The following RYR2 variants were observed in gnomAD, a reference collection of about 807,000 sequenced individuals.
RYR2 encodes ryanodine receptor 2, also known as cardiac muscle ryanodine receptor-calcium release channel.
Under a neutral mutation model 601.1 loss-of-function variants are expected in RYR2, and 227 were observed. The ratio of observed to expected loss-of-function variants is 0.38; its 90% confidence interval spans 0.34 to 0.42. The LOEUF is 0.42. Ranked by LOEUF, RYR2 falls within the 10% of genes least tolerant of loss-of-function variation. The pLI, the probability that RYR2 is intolerant of heterozygous loss-of-function variation, is 1.00. For synonymous variants in RYR2, 2,223 were observed against 2,175.1 expected (o/e 1.02, Z -0.61); for missense variants, 4,646 against 6,156.5 (o/e 0.75, Z 8.21).
intron 27 of RYR2, among the ~76,000 whole-genome samples, chr1:237,552,554 G>A (rs1415599059): frequency 6.6e-6 from 1 of 151,934 alleles, no homozygotes; most frequent in Non-Finnish European, 1.5e-5. Context: ...TAACCACTTT[G>A]TAAGTTCTAT....
At chr1:237,566,993 A>G (rs1292774650) in intron 28 of RYR2, among the ~76,000 whole-genome samples, 1 of 152,224 alleles carries the variant, frequency 6.6e-6, no homozygotes, top group Non-Finnish European at 1.5e-5. Context: ...TTCCATGGTT[A>G]TCAAAAAGAT....
At chr1:237,728,822 T>C (rs1215885195) in intron 76 of RYR2, among the ~76,000 whole-genome samples, 1 of 151,740 alleles carries the variant, frequency 6.6e-6, no homozygotes, top group Non-Finnish European at 1.5e-5. Flanking sequence ...TTAAGACAAA[T>C]ACCTAATGCA....
chr1:237,126,055 G>T (rs997651303), intron 1 of RYR2, among the ~76,000 whole-genome samples: 43 of 152,130 alleles, frequency 2.8e-4, no homozygotes, highest in Non-Finnish European at 5.1e-4. Context: ...TGGCCAACAT[G>T]GCAAAACCCT....
intron 32 of RYR2, among the ~76,000 whole-genome samples, chr1:237,593,096 A>C (rs1313843448): frequency 6.6e-6 from 1 of 152,006 alleles, no homozygotes; most frequent in African/African-American, 2.4e-5. Context: ...CCCTATGCTT[A>C]ATGGATTCGT....
At chr1:237,128,324 G>C (rs1671769644) in intron 1 of RYR2, among the ~76,000 whole-genome samples, 1 of 152,208 alleles carries the variant, frequency 6.6e-6, no homozygotes, top group Non-Finnish European at 1.5e-5. Flanking sequence ...GATGGCAGCA[G>C]TACAGTCCAG....
intron 58 of RYR2, among the ~76,000 whole-genome samples, chr1:237,672,850 T>C (rs755777557): frequency 5.0e-4 from 76 of 152,158 alleles, no homozygotes; most frequent in Admixed American, 1.3e-4. Context: ...AATTCCTTAT[T>C]ATGGTTAGTA....
chr1:237,669,991 T>G (rs1445237966), intron 58 of RYR2, among the ~76,000 whole-genome samples: 1 of 152,116 alleles, frequency 6.6e-6, no homozygotes, highest in Non-Finnish European at 1.5e-5. Context: ...CACTCCAGCC[T>G]GGGCACCATT....
chr1:237,422,201 A>C (rs1425245773), intron 11 of RYR2, among the ~76,000 whole-genome samples: 1 of 152,046 alleles, frequency 6.6e-6, no homozygotes, highest in Non-Finnish European at 1.5e-5. Flanking sequence ...TTGTATTTTG[A>C]TTTTTCTATT....
At chr1:237,645,945 T>G (rs564633331) in intron 48 of RYR2, among the ~76,000 whole-genome samples, 7 of 151,146 alleles carry the variant, frequency 4.6e-5, no homozygotes, top group Non-Finnish European at 7.4e-5. Flanking sequence ...GGCGCAGTCT[T>G]GGCTCACTGC....
At chr1:237,445,355 GAA>G (rs762312569) in intron 13 of RYR2, 44 bp from the exon 14 acceptor site, 1 of 1,608,678 alleles carries the variant, frequency 6.2e-7, no homozygotes, top group Non-Finnish European at 8.5e-7. Context: ...CTCTAGTTTG[GAA>G]AAGAGACGTT....
chr1:237,774,197 A>G (rs1234564936), intron 87 of RYR2, among the ~76,000 whole-genome samples: 1 of 151,794 alleles, frequency 6.6e-6, no homozygotes, highest in Non-Finnish European at 1.5e-5. Context: ...GCAATCACCA[A>G]AACTTTGCTT....
intron 1 of RYR2, among the ~76,000 whole-genome samples, chr1:237,160,615 A>C (rs1041379274): frequency 3.9e-5 from 6 of 152,018 alleles, no homozygotes; most frequent in African/African-American, 1.4e-4. Context: ...GTGTATATTC[A>C]TCCTGCTAAT....
At chr1:237,082,542 T>TATATATATATAA (rs1383118238) in intron 1 of RYR2, among the ~76,000 whole-genome samples, 5 of 118,414 alleles carry the variant, frequency 4.2e-5, no homozygotes, top group Admixed American at 8.4e-5. Context: ...TATATATATA[T>TATATATATATAA]ATATATATAT....
Position 237,707,230 on chromosome 1 carries a change from T to C in RYR2, c.9862T>C (p.Leu3288=). 1 of 1,575,168 alleles carries C rather than the reference T, an allele frequency of 6.3e-7. No individual in the cohort carries two copies. Among genetic ancestry groups the C allele is most frequent in the Non-Finnish European group, 8.7e-7 (1 of 1,153,332 alleles). The part of the protein sequence containing the change: ...GNILKIIYNN[L]GIDEGAWMKR... The stretch of plus-strand genomic sequence containing the variant: ...CATATTGAAAATCATATATAATAAC[T>C]TGGGGATTGATGAGGGAGCCTGGAT... The change falls in exon 68 of 105, where the codon TTG becomes CTG. Residue 3288 remains leucine, a synonymous_variant. Transcript: ENST00000366574.
chr1:237,767,132 A>G (rs1278647677), intron 84 of RYR2, among the ~76,000 whole-genome samples: 1 of 152,232 alleles, frequency 6.6e-6, no homozygotes, highest in East Asian at 1.9e-4. Context: ...CAACATGATG[A>G]AACGAAGGCT....
intron 1 of RYR2, among the ~76,000 whole-genome samples, chr1:237,231,107 G>A (rs998045992): frequency 2.6e-5 from 4 of 151,960 alleles, no homozygotes; most frequent in African/African-American, 4.8e-5. Flanking sequence ...CTAAGTGGTT[G>A]TATATCAAGG....
chr1:237,420,729 G>A (rs1284497839), intron 11 of RYR2, among the ~76,000 whole-genome samples: 2 of 152,156 alleles, frequency 1.3e-5, no homozygotes, highest in Non-Finnish European at 2.9e-5. Flanking sequence ...ACTGAGCCCA[G>A]AACATCTTCC....
At chr1:237,537,503 C>T (rs1234147699) in intron 25 of RYR2, among the ~76,000 whole-genome samples, 2 of 152,084 alleles carry the variant, frequency 1.3e-5, no homozygotes, top group African/African-American at 4.8e-5. Context: ...TTAGTAGAGA[C>T]GGGATTTCAC....
At chr1:237,350,550 G>A (rs1237270934) in intron 3 of RYR2, among the ~76,000 whole-genome samples, 22 of 99,126 alleles carry the variant, frequency 2.2e-4, no homozygotes, top group African/African-American at 8.1e-4. Flanking sequence ...CAGCCTGGGT[G>A]ACAAAAGTAA....
Sources: allele counts gnomAD v4.1 joint callset (sites outside exome capture counted in the v4.1 genomes callset), GRCh38; gene constraint gnomAD v4.1.1; transcripts MANE v1.5; gene names NCBI Gene and HGNC (gene_info 2026-07-23, HGNC 2026-07-21).